LRRC4C: variants seen among roughly 807,000 people sequenced by gnomAD.
LRRC4C encodes leucine rich repeat containing 4C, also known as leucine-rich repeat-containing protein 4C.
Under a neutral mutation model 33.6 loss-of-function variants are expected in LRRC4C, and 5 were observed. That is an observed-to-expected ratio of 0.15 (90% CI 0.08 to 0.31). The LOEUF is 0.31. Among genes scored for constraint, LRRC4C ranks in the 10% least tolerant of loss-of-function variants. LRRC4C has a pLI of 1.00. For synonymous variants in LRRC4C, 329 were observed against 302.0 expected (o/e 1.09, Z -0.93); for missense variants, 560 against 796.7 (o/e 0.70, Z 3.58).
chr11:40,830,418 C>T lies in LRRC4C; in HGVS notation c.-407+103217G>A, dbSNP rs191928685. Among the ~76,000 whole-genome samples the T allele has an allele frequency of 7.9e-5, 12 of 152,168 alleles. No homozygotes were observed. In the East Asian group the frequency reaches 9.7e-4, roughly 12 times the overall value. ...AAAGCCCATCCAACTGCAGACTCTA[C>T]GCTCCTTTGTGTCAGTGTTTTAGGT... On this transcript the variant is annotated intron_variant, in intron 2 of 6. Transcript: ENST00000528697.
At chr11:40,906,849 G>C (rs1426265916) in intron 2 of LRRC4C, among the ~76,000 whole-genome samples, 1 of 152,032 alleles carries the variant, frequency 6.6e-6, no homozygotes, top group African/African-American at 2.4e-5. Flanking sequence ...AAAAAGAAAA[G>C]ATAAAGTGTA....
intron 1 of LRRC4C, among the ~76,000 whole-genome samples, chr11:40,973,957 C>T (rs1851905386): frequency 6.6e-6 from 1 of 152,056 alleles, no homozygotes; most frequent in African/African-American, 2.4e-5. Context: ...CTCTAAGTCA[C>T]TACCTGGAGG....
intron 1 of LRRC4C, among the ~76,000 whole-genome samples, chr11:41,306,615 A>C (rs1214322605): frequency 6.6e-6 from 1 of 152,212 alleles, no homozygotes; most frequent in Non-Finnish European, 1.5e-5. Flanking sequence ...TGCATGCTAA[A>C]GGGGGAAGTT....
intron 2 of LRRC4C, among the ~76,000 whole-genome samples, chr11:40,930,052 T>C (rs889516953): frequency 2.6e-5 from 4 of 152,248 alleles, no homozygotes; most frequent in African/African-American, 9.6e-5. Flanking sequence ...TTCTTACAAA[T>C]ATATAACCAG....
intron 1 of LRRC4C, among the ~76,000 whole-genome samples, chr11:41,006,629 A>T (rs1340871117): frequency 6.6e-6 from 1 of 152,186 alleles, no homozygotes; most frequent in Non-Finnish European, 1.5e-5. Context: ...ATAATGGCAA[A>T]TAGAAATATT....
chr11:40,681,459 A>G (rs544815860), intron 2 of LRRC4C, among the ~76,000 whole-genome samples: 1 of 152,332 alleles, frequency 6.6e-6, no homozygotes, highest in Admixed American at 6.5e-5. Flanking sequence ...CTTATGTAGG[A>G]ATTTCTATGT....
chr11:40,506,483 C>G (rs1448125240), intron 3 of LRRC4C, among the ~76,000 whole-genome samples: 1 of 152,102 alleles, frequency 6.6e-6, no homozygotes, highest in Admixed American at 6.6e-5. Flanking sequence ...ATGAATAAAA[C>G]TGTAAACAAT....
At chr11:41,327,319 C>T (rs1951153083) in intron 1 of LRRC4C, among the ~76,000 whole-genome samples, 1 of 152,284 alleles carries the variant, frequency 6.6e-6, no homozygotes, top group Non-Finnish European at 1.5e-5. Context: ...CCAGCAGCTT[C>T]CTGGTGGGAC....
intron 1 of LRRC4C, among the ~76,000 whole-genome samples, chr11:41,456,611 C>A (rs1956178733): frequency 6.6e-6 from 1 of 152,086 alleles, no homozygotes; most frequent in Non-Finnish European, 1.5e-5. Context: ...AACCCTTCAC[C>A]AATTCATTCT....
chr11:41,088,283 C>T (rs1286142284), intron 1 of LRRC4C, among the ~76,000 whole-genome samples: 1 of 152,068 alleles, frequency 6.6e-6, no homozygotes. Flanking sequence ...ATAATTCAGA[C>T]CTTGGCTTCT....
intron 1 of LRRC4C, among the ~76,000 whole-genome samples, chr11:41,105,866 C>G (rs979344358): frequency 6.6e-6 from 1 of 152,038 alleles, no homozygotes; most frequent in African/African-American, 2.4e-5. Context: ...TTTATTATAA[C>G]AAAATAATAA....
At chr11:40,519,265 A>G (rs970233098) in intron 3 of LRRC4C, among the ~76,000 whole-genome samples, 8 of 152,166 alleles carry the variant, frequency 5.3e-5, no homozygotes, top group Non-Finnish European at 1.2e-4. Flanking sequence ...TTTTTTAAAA[A>G]AGAGAGAAGT....
At chr11:40,566,334 G>A (rs968382786) in intron 3 of LRRC4C, among the ~76,000 whole-genome samples, 10 of 151,594 alleles carry the variant, frequency 6.6e-5, no homozygotes, top group South Asian at 2.1e-4. Context: ...GTTGCTCCTC[G>A]AAAGTCAAAA....
At chr11:40,181,797 G>C (rs1412588770) in intron 5 of LRRC4C, among the ~76,000 whole-genome samples, 2 of 152,172 alleles carry the variant, frequency 1.3e-5, no homozygotes, top group Non-Finnish European at 2.9e-5. Context: ...ATAGAAAAGA[G>C]AGACAAGGGA....
chr11:40,928,005 T>A (rs1316091948), intron 2 of LRRC4C, among the ~76,000 whole-genome samples: 1 of 152,072 alleles, frequency 6.6e-6, no homozygotes, highest in Admixed American at 6.5e-5. Context: ...ATCCATAACT[T>A]TTATGACCTA....
chr11:40,612,400 G>C (rs931135427), intron 3 of LRRC4C, among the ~76,000 whole-genome samples: 4 of 151,762 alleles, frequency 2.6e-5, no homozygotes, highest in African/African-American at 9.7e-5. Flanking sequence ...GAGGTAATGA[G>C]GAGGTATTGT....
chr11:41,025,332 T>C (rs1856268817), intron 1 of LRRC4C, among the ~76,000 whole-genome samples: 1 of 151,596 alleles, frequency 6.6e-6, no homozygotes, highest in Non-Finnish European at 1.5e-5. Flanking sequence ...GGAAAAGCTC[T>C]TGAAGGAAAT....
At chr11:41,111,173 C>T (rs1462301390) in intron 1 of LRRC4C, among the ~76,000 whole-genome samples, 1 of 152,096 alleles carries the variant, frequency 6.6e-6, no homozygotes, top group Non-Finnish European at 1.5e-5. Flanking sequence ...TATGCCTTAT[C>T]CAAAGTTGCA....
intron 3 of LRRC4C, among the ~76,000 whole-genome samples, chr11:40,452,303 G>C (rs1004864547): frequency 2.0e-5 from 3 of 152,082 alleles, no homozygotes; most frequent in Non-Finnish European, 4.4e-5. Flanking sequence ...CTAATATCCA[G>C]AATCTACAAA....
Sources: allele counts gnomAD v4.1 joint callset (sites outside exome capture counted in the v4.1 genomes callset), GRCh38; gene constraint gnomAD v4.1.1; transcripts MANE v1.5; gene names NCBI Gene and HGNC (gene_info 2026-07-23, HGNC 2026-07-21).